The following USH2A variants were observed in gnomAD, a reference collection of about 807,000 sequenced individuals.
The protein encoded by USH2A is Usher syndrome 2A (autosomal recessive, mild).
A neutral mutation model predicts 538.9 loss-of-function variants in USH2A; 443 were observed. That is an observed-to-expected ratio of 0.82 (90% CI 0.76 to 0.89). The LOEUF (loss-of-function observed/expected upper bound fraction) is 0.89. USH2A is among the 40% of genes least tolerant of loss of function. The pLI is 0.00. For synonymous variants in USH2A, 2,413 were observed against 2,273.5 expected (o/e 1.06, Z -1.75); for missense variants, 6,633 against 6,324.8 (o/e 1.05, Z -1.65).
At chr1:215,951,602 A>G (rs969095570) in intron 37 of USH2A, among the ~76,000 whole-genome samples, 2 of 151,908 alleles carry the variant, frequency 1.3e-5, no homozygotes, top group African/African-American at 4.8e-5. Flanking sequence ...CAATTCCTGG[A>G]TATCCTTGTT....
At chr1:215,789,616 T>C (rs1444086489) in intron 51 of USH2A, among the ~76,000 whole-genome samples, 2 of 152,154 alleles carry the variant, frequency 1.3e-5, no homozygotes, top group Non-Finnish European at 1.5e-5. Context: ...GGGAATATGA[T>C]ATAAATGCAA....
At chr1:216,015,071 C>G (rs895792025) in intron 32 of USH2A, among the ~76,000 whole-genome samples, 8 of 152,162 alleles carry the variant, frequency 5.3e-5, no homozygotes. Context: ...ATTAAAAACA[C>G]AGCTTTTTCC....
chr1:216,408,135 G>A (rs2039426859), intron 3 of USH2A, among the ~76,000 whole-genome samples: 1 of 152,064 alleles, frequency 6.6e-6, no homozygotes, highest in African/African-American at 2.4e-5. Flanking sequence ...CAGTTTTCAT[G>A]TTTAAATGTT....
chr1:215,905,498 A>G (rs1397155410), intron 38 of USH2A, among the ~76,000 whole-genome samples: 1 of 152,118 alleles, frequency 6.6e-6, no homozygotes, highest in African/African-American at 2.4e-5. Flanking sequence ...AATCTACTTT[A>G]TGTTTAACAG....
In USH2A at chr1:215,628,918, C is replaced by A; in HGVS notation, c.15415G>T (p.Gly5139Cys). The A allele has an allele frequency of 6.2e-7, 1 of 1,614,044 alleles. No homozygotes were observed. The highest frequency in any genetic ancestry group is 1.3e-5 in the African/African-American group (1 of 74,996). ...TGGCTGACGCTGCGGTGAAGAGAAC[C>A]CTGGGAGTAGGTTAGGCTGGTTTGG... ...QNQTSLTYSQ[G>C]SLHRSVSQLM... is the part of the protein sequence containing the mutation. Residue 5139 changes from glycine (G) to cysteine (C), a missense_variant, in exon 71 of 72, where the codon GGT (glycine) becomes TGT (cysteine). Coordinates refer to ENST00000307340, the MANE Select transcript of USH2A (RefSeq NM_206933.4).
At chr1:215,908,864 G>A (rs1208312523) in intron 38 of USH2A, among the ~76,000 whole-genome samples, 3 of 151,446 alleles carry the variant, frequency 2.0e-5, no homozygotes, top group Non-Finnish European at 2.9e-5. Flanking sequence ...TCAGATATTA[G>A]TTGACTAATT....
chr1:216,063,828 G>T (rs1275989047), intron 30 of USH2A, among the ~76,000 whole-genome samples: 2 of 152,112 alleles, frequency 1.3e-5, no homozygotes, highest in Non-Finnish European at 2.9e-5. Context: ...CAGGCTAATT[G>T]ATGTAAAAAA....
At chr1:215,642,771 G>A (rs1656728469) in intron 67 of USH2A, among the ~76,000 whole-genome samples, 1 of 152,018 alleles carries the variant, frequency 6.6e-6, no homozygotes, top group African/African-American at 2.4e-5. Context: ...TCACTTGAGA[G>A]CAGTAATGGG....
At chr1:215,716,374 A>T (rs1333161482) in intron 61 of USH2A, among the ~76,000 whole-genome samples, 1 of 152,118 alleles carries the variant, frequency 6.6e-6, no homozygotes, top group Non-Finnish European at 1.5e-5. Context: ...ACTTATAGAA[A>T]CCAACCCATT....
intron 32 of USH2A, among the ~76,000 whole-genome samples, chr1:216,042,100 T>C (rs975405961): frequency 1.3e-5 from 2 of 152,060 alleles, no homozygotes; most frequent in African/African-American, 4.8e-5. Flanking sequence ...ATATGCTATA[T>C]GAGATGGAAT....
chr1:216,096,958 GA>G (rs2102572609), intron 22 of USH2A, 124 bp downstream of exon 22: 4 of 1,018,442 alleles, frequency 3.9e-6, no homozygotes, highest in East Asian at 5.2e-5. Flanking sequence ...GCAAAATGGG[GA>G]TAATAATAGT....
chr1:216,330,616 G>A (rs2037840495), intron 4 of USH2A, among the ~76,000 whole-genome samples: 2 of 152,018 alleles, frequency 1.3e-5, no homozygotes, highest in South Asian at 2.1e-4. Context: ...CTGGCTGGGG[G>A]AGAGGGGAGG....
intron 44 of USH2A, among the ~76,000 whole-genome samples, chr1:215,859,727 T>C (rs1261472240): frequency 2.0e-5 from 3 of 152,150 alleles, no homozygotes; most frequent in African/African-American, 7.2e-5. Context: ...CGTCTCCAAA[T>C]ACAGCTACAC....
At chr1:216,050,430 T>A (rs1457683696) in intron 30 of USH2A, among the ~76,000 whole-genome samples, 1 of 151,886 alleles carries the variant, frequency 6.6e-6, no homozygotes, top group Non-Finnish European at 1.5e-5. Flanking sequence ...ACTGAACAAG[T>A]TCAGGACTTT....
rs1158726890 is a variant in USH2A, at chr1:215,630,482, GTATATATATATA to G, written c.15298-1459_15298-1448del. On this transcript the variant is annotated intron_variant, in intron 70 of 71. Transcript: ENST00000307340. The stretch of plus-strand genomic sequence containing the variant: ...TATATATGTATGTGTATGTGTGTGT[GTATATATATATA>G]TATATATATATATATATATATATAT... Among the ~76,000 whole-genome samples, 113 of 22,552 alleles carry G rather than the reference GTATATATATATA, an allele frequency of 5.0e-3. 2 individuals are homozygous for G. Among genetic ancestry groups the G allele is most frequent in the African/African-American group, 8.3e-3 (84 of 10,156 alleles). 14.8% of individuals were successfully genotyped at this position (22,552 alleles called of 152,430 possible).
chr1:215,776,716 G>A (rs1443962310), intron 55 of USH2A, among the ~76,000 whole-genome samples: 1 of 152,126 alleles, frequency 6.6e-6, no homozygotes, highest in Non-Finnish European at 1.5e-5. Flanking sequence ...AGATGGAACA[G>A]AAAATAAATT....
intron 4 of USH2A, among the ~76,000 whole-genome samples, chr1:216,344,698 T>C (rs939495730): frequency 1.3e-5 from 2 of 151,690 alleles, no homozygotes; most frequent in African/African-American, 4.8e-5. Flanking sequence ...GAGGCCTAAT[T>C]TAGGGGCGTT....
At chr1:215,994,470 C>T (rs1366006064) in intron 34 of USH2A, among the ~76,000 whole-genome samples, 1 of 152,064 alleles carries the variant, frequency 6.6e-6, no homozygotes, top group African/African-American at 2.4e-5. Context: ...GCATAAACAA[C>T]AGTTTATGGT....
chr1:216,209,643 C>A (rs983630921), intron 15 of USH2A, among the ~76,000 whole-genome samples: 4 of 151,532 alleles, frequency 2.6e-5, no homozygotes, highest in African/African-American at 9.8e-5. Context: ...ATTTATACAC[C>A]ATACACACAC....
Sources: gnomAD v4.1 joint callset for allele counts (sites outside exome capture counted in the v4.1 genomes callset) on GRCh38, gnomAD v4.1.1 for gene constraint, MANE v1.5 for transcripts, NCBI Gene and HGNC (gene_info 2026-07-23, HGNC 2026-07-21) for gene names.